Variants in GALNT13 observed in about 807,000 individuals in gnomAD.
GALNT13 encodes the protein UDP-GalNAc:polypeptide N-acetylgalactosaminyltransferase 13.
GALNT13 carries 28 observed loss-of-function variants against 64.2 expected under a neutral mutation model. The ratio of observed to expected loss-of-function variants is 0.44; its 90% CI spans 0.32 to 0.60. The LOEUF (loss-of-function observed/expected upper bound fraction) is 0.60, where lower values mean the gene tolerates loss of function less well. GALNT13 is among the 20% of genes least tolerant of loss of function. The pLI is 0.05. For missense variants in GALNT13, 577 were observed against 669.8 expected (o/e 0.86, Z 1.53); for synonymous variants, 214 against 224.6 (o/e 0.95, Z 0.42).
At chr2:153,330,058 A>G in the GALNT13 span, among the ~76,000 whole-genome samples, 1 of 152,098 alleles carries the variant, frequency 6.6e-6, no homozygotes, top group African/African-American at 2.4e-5. Context: ...GCTTACTTTT[A>G]TTGCTTTGTG....
chr2:153,327,845 G>C, the GALNT13 span, among the ~76,000 whole-genome samples: 1 of 151,938 alleles, frequency 6.6e-6, no homozygotes, highest in South Asian at 2.1e-4. Context: ...TGCTGGCTCG[G>C]AGTTGTGATC....
At chr2:154,138,000 C>T (rs1683047286) in intron 3 of GALNT13, among the ~76,000 whole-genome samples, 1 of 151,910 alleles carries the variant, frequency 6.6e-6, no homozygotes, top group African/African-American at 2.4e-5. Flanking sequence ...TATTAGAAAG[C>T]AAAAATTGTT....
At chr2:153,689,658 T>C in the GALNT13 span, among the ~76,000 whole-genome samples, 1 of 152,088 alleles carries the variant, frequency 6.6e-6, no homozygotes, top group African/African-American at 2.4e-5. Flanking sequence ...GTGATTCCAA[T>C]GATTCTTCCT....
At chr2:153,907,621 A>T (rs542657960) in intron 2 of GALNT13, among the ~76,000 whole-genome samples, 1 of 151,950 alleles carries the variant, frequency 6.6e-6, no homozygotes, top group Non-Finnish European at 1.5e-5. Context: ...TGTTCTGATC[A>T]CTTAGCCTCC....
the GALNT13 span, among the ~76,000 whole-genome samples, chr2:153,366,783 A>G: frequency 6.6e-6 from 1 of 151,016 alleles, no homozygotes; most frequent in Non-Finnish European, 1.5e-5. Flanking sequence ...ACTGCTATAA[A>G]TATAACCAAA....
chr2:153,192,663 T>C, the GALNT13 span, among the ~76,000 whole-genome samples: 2 of 152,168 alleles, frequency 1.3e-5, no homozygotes, highest in South Asian at 4.1e-4. Flanking sequence ...TTGCTTTATA[T>C]ATCTAGGTGC....
the GALNT13 span, among the ~76,000 whole-genome samples, chr2:153,257,176 C>T: frequency 2.6e-5 from 4 of 152,204 alleles, no homozygotes; most frequent in African/African-American, 7.2e-5. Context: ...TTAAGCCCGT[C>T]GGAAAAGCGC....
chr2:154,174,045 A>C (rs2105709143), intron 4 of GALNT13, among the ~76,000 whole-genome samples: 1 of 152,288 alleles, frequency 6.6e-6, no homozygotes, highest in African/African-American at 2.4e-5. Context: ...CTGGGTATAT[A>C]TCCAAAAGAA....
At chr2:153,896,319 A>G (rs946059946) in intron 1 of GALNT13, among the ~76,000 whole-genome samples, 16 of 150,788 alleles carry the variant, frequency 1.1e-4, no homozygotes, top group Admixed American at 9.3e-4. Flanking sequence ...TTAAAACTCT[A>G]AAGTTGGTTT....
At chr2:154,391,978 G>C (rs574116780) in intron 9 of GALNT13, among the ~76,000 whole-genome samples, 3 of 152,110 alleles carry the variant, frequency 2.0e-5, no homozygotes, top group African/African-American at 7.2e-5. Flanking sequence ...CAAAGACTTG[G>C]ACCAAGTAAA....
the GALNT13 span, among the ~76,000 whole-genome samples, chr2:153,610,178 T>C: frequency 1.3e-5 from 2 of 152,276 alleles, no homozygotes; most frequent in East Asian, 3.9e-4. Context: ...TGGCATATTA[T>C]ATAAAGTTAG....
chr2:153,818,148 C>T, the GALNT13 span, among the ~76,000 whole-genome samples: 4 of 151,978 alleles, frequency 2.6e-5, no homozygotes, highest in African/African-American at 9.7e-5. Flanking sequence ...AGTGAGAGAC[C>T]CCAGAAGATC....
the GALNT13 span, among the ~76,000 whole-genome samples, chr2:153,234,207 G>T: frequency 6.6e-6 from 1 of 152,118 alleles, no homozygotes; most frequent in East Asian, 1.9e-4. Flanking sequence ...ATGCATTTGG[G>T]TCTCTACCCT....
chr2:153,870,111 C>T (rs1014973889), upstream of GALNT13, among the ~76,000 whole-genome samples: 1 of 151,640 alleles, frequency 6.6e-6, no homozygotes, highest in African/African-American at 2.4e-5. Flanking sequence ...CAGAAACCAA[C>T]CTGACAACCC....
chr2:154,184,661 A>T (rs1443270200), intron 4 of GALNT13, among the ~76,000 whole-genome samples: 1 of 152,126 alleles, frequency 6.6e-6, no homozygotes, highest in Non-Finnish European at 1.5e-5. Context: ...TGCAGGCTAT[A>T]TAAGATGTAT....
intron 11 of GALNT13, among the ~76,000 whole-genome samples, chr2:154,419,652 A>G (rs1449712995): frequency 1.3e-5 from 2 of 152,162 alleles, no homozygotes; most frequent in Non-Finnish European, 2.9e-5. Flanking sequence ...AAAGTTGGTT[A>G]TATGATTCCT....
the GALNT13 span, among the ~76,000 whole-genome samples, chr2:153,279,825 T>C: frequency 6.6e-6 from 1 of 151,454 alleles, no homozygotes; most frequent in African/African-American, 2.4e-5. Flanking sequence ...GTGTTTTTAT[T>C]TTTTTTTTCA....
the GALNT13 span, among the ~76,000 whole-genome samples, chr2:153,401,797 T>C: frequency 3.2e-4 from 48 of 151,838 alleles, 1 homozygote; most frequent in Admixed American, 2.9e-3. Context: ...TTCTCCATCC[T>C]TTTATTTTGA....
chr2:153,632,854 G>A, the GALNT13 span, among the ~76,000 whole-genome samples: 1 of 152,092 alleles, frequency 6.6e-6, no homozygotes, highest in South Asian at 2.1e-4. Context: ...CTGGGTTCAA[G>A]CAATTCTCCT....
Sources: allele counts gnomAD v4.1 joint callset (sites outside exome capture counted in the v4.1 genomes callset), GRCh38; gene constraint gnomAD v4.1.1; transcripts MANE v1.5; gene names NCBI Gene and HGNC (gene_info 2026-07-23, HGNC 2026-07-21).